RAB25: variants seen among roughly 807,000 people sequenced by gnomAD.
RAB25 encodes RAB25, member RAS oncogene family.
RAB25 carries 23 observed loss-of-function variants against 25.2 expected under a neutral mutation model. The ratio of observed to expected loss-of-function variants is 0.91; its 90% CI spans 0.66 to 1.29. The LOEUF (loss-of-function observed/expected upper bound fraction) is 1.29, where lower values mean the gene tolerates loss of function less well. Ranked by LOEUF, RAB25 falls within the 50% of genes most tolerant of loss-of-function variation. RAB25 has a pLI of 0.00. For missense variants in RAB25, 244 were observed against 277.3 expected (o/e 0.88, Z 0.85); for synonymous variants, 102 against 111.5 (o/e 0.91, Z 0.54).
chr1:156,061,514 G>T, intron 1 of RAB25, 71 bp downstream of exon 1: 1 of 1,505,082 alleles, frequency 6.6e-7, no homozygotes, highest in South Asian at 1.1e-5. Flanking sequence ...GCCAGAGAGG[G>T]CCCCCTCCTG....
At chr1:156,061,929 C>T (rs965916850) in intron 1 of RAB25, among the ~76,000 whole-genome samples, 1 of 152,172 alleles carries the variant, frequency 6.6e-6, no homozygotes, top group Non-Finnish European at 1.5e-5. Context: ...GGACTACAAG[C>T]ACCTGCCACC....
chr1:156,063,430 C>T (rs546637879), intron 1 of RAB25, among the ~76,000 whole-genome samples: 2 of 152,156 alleles, frequency 1.3e-5, no homozygotes, highest in South Asian at 2.1e-4. Flanking sequence ...GTATTACAGG[C>T]GTGAGCCACC....
At position 156,067,826 on chromosome 1, in the gene RAB25, C is replaced by T. The variant is rs578053845; in HGVS notation, c.240-444C>T. Reference sequence around the variant, plus strand: ...GGAGTGCAATGGAGCGATCTCAGATCACTGCAACTTCCGCTTCCCGAGTTC... The same window carrying T: ...GGAGTGCAATGGAGCGATCTCAGATTACTGCAACTTCCGCTTCCCGAGTTC... On this transcript the variant is annotated intron_variant, in intron 2 of 4. Coordinates refer to ENST00000361084, the MANE Select transcript of RAB25 (RefSeq NM_020387.4). Among the ~76,000 whole-genome samples the T allele has an allele frequency of 2.0e-5, 3 of 152,324 alleles. No homozygotes were observed. The South Asian group carries it at 6.2e-4, about 32-fold the overall frequency.
At chr1:156,062,685 A>G (rs1647618419) in intron 1 of RAB25, among the ~76,000 whole-genome samples, 1 of 152,140 alleles carries the variant, frequency 6.6e-6, no homozygotes. Context: ...GTCATATTTT[A>G]TTTTGAGGGG....
Position 156,070,424 on chromosome 1 carries a change from T to G in RAB25, c.*137T>G. 2 of 1,137,588 alleles carry G rather than the reference T, an allele frequency of 1.8e-6. No homozygotes were observed. Among genetic ancestry groups the G allele is most frequent in the Non-Finnish European group, 2.5e-6 (2 of 809,904 alleles). The allele number at this position is 1,137,588 out of a possible 1,614,324, so 70.5% of individuals were successfully genotyped here. ...ACAGCACCCTCAGGGTCTTAAGGTCTTCATGCCCTATCACAAATACCTCTT... is the reference window on the plus strand; with the variant it reads ...ACAGCACCCTCAGGGTCTTAAGGTCGTCATGCCCTATCACAAATACCTCTT... On this transcript the variant is annotated 3_prime_UTR_variant, in exon 5 of 5. Coordinates refer to ENST00000361084, the MANE Select transcript of RAB25 (RefSeq NM_020387.4).
At position 156,068,476 on chromosome 1, in the gene RAB25, C is replaced by T. The variant is rs752421466; in HGVS notation, c.433+13C>T. 6.2e-6 allele frequency: 10 copies of T among 1,608,468 alleles called. No homozygotes were observed. Among genetic ancestry groups the T allele is most frequent in the African/African-American group, 2.7e-5 (2 of 74,742 alleles). On this transcript the variant is annotated intron_variant, in intron 3 of 4. Coordinates refer to ENST00000361084, the MANE Select transcript of RAB25 (RefSeq NM_020387.4). ...CGAATGTTCGCTGGTGAGAGCCTGC[C>T]ACTACCCAGGCTGACTCCTCCAAGC...
intron 2 of RAB25, among the ~76,000 whole-genome samples, chr1:156,066,849 A>G (rs1052310141): frequency 2.0e-5 from 3 of 152,092 alleles, no homozygotes; most frequent in Non-Finnish European, 2.9e-5. Context: ...CTAAGGTGGG[A>G]GGATGGCTTG....
intron 1 of RAB25, among the ~76,000 whole-genome samples, 195 bp downstream of exon 1, chr1:156,061,638 T>C (rs377184831): frequency 1.1e-3 from 175 of 152,246 alleles, no homozygotes; most frequent in African/African-American, 4.1e-3. Context: ...CTTCTGAGTA[T>C]GCTCTACTGT....
intron 4 of RAB25, 157 bp from the exon 5 acceptor site, chr1:156,070,003 C>A: frequency 8.6e-7 from 1 of 1,160,416 alleles, no homozygotes. Context: ...TAGAAGGGAC[C>A]CCTATGTCCA....
chr1:156,068,080 A>G (rs149318918), intron 2 of RAB25, 190 bp from the exon 3 acceptor site: 7 of 536,740 alleles, frequency 1.3e-5, no homozygotes, highest in African/African-American at 1.1e-4. Flanking sequence ...ACAGGCTCCA[A>G]GACTAGTGTC....
At chr1:156,062,775 C>T (rs998451068) in intron 1 of RAB25, among the ~76,000 whole-genome samples, 7 of 152,036 alleles carry the variant, frequency 4.6e-5, no homozygotes, top group East Asian at 1.9e-4. Flanking sequence ...GTTGGTCAGC[C>T]GGGTGCAGTG....
At chr1:156,065,475 T>A (rs974790420) in intron 1 of RAB25, among the ~76,000 whole-genome samples, 6 of 152,150 alleles carry the variant, frequency 3.9e-5, no homozygotes, top group African/African-American at 1.4e-4. Flanking sequence ...ACCTCCCACT[T>A]GTCCTCCCAG....
Position 156,070,355 on chromosome 1 carries a change from C to T in RAB25, c.*68C>T. On this transcript the variant is annotated 3_prime_UTR_variant, in exon 5 of 5. Coordinates refer to ENST00000361084, the MANE Select transcript of RAB25 (RefSeq NM_020387.4). ...CTTGTCCCCACTTCAGCCCCAGGACCTTTCCTTGCCCTTTGGTTCCAGATA... is the reference window on the plus strand; with the variant it reads ...CTTGTCCCCACTTCAGCCCCAGGACTTTTCCTTGCCCTTTGGTTCCAGATA... 1 of 1,568,274 alleles carries T rather than the reference C, an allele frequency of 6.4e-7. No individual in the cohort carries two copies. The highest frequency in any genetic ancestry group is 1.4e-5 in the African/African-American group (1 of 73,682).
At position 156,070,097 on chromosome 1, in the gene RAB25, T is replaced by C. The variant is rs28534050; in HGVS notation, c.515-63T>C. On this transcript the variant is annotated intron_variant, in intron 4 of 4. Transcript: ENST00000361084. Reference sequence around the variant, plus strand: ...GGGGCATGCAGTATGTATGGGGGGGTTGGGGAGAAGGGAGCATGGGCTCTA... The same window carrying C: ...GGGGCATGCAGTATGTATGGGGGGGCTGGGGAGAAGGGAGCATGGGCTCTA... 8.1e-6 allele frequency: 13 copies of C among 1,612,300 alleles called. No homozygotes were observed. The East Asian group carries it at 2.7e-4, about 33-fold the overall frequency.
At chr1:156,065,804 T>C in intron 1 of RAB25, 107 bp from the exon 2 acceptor site, 1 of 920,048 alleles carries the variant, frequency 1.1e-6, no homozygotes. Context: ...TTCCCTAATC[T>C]TTTTTCTGAG....
At chr1:156,069,130 A>G (rs1469828761) in intron 3 of RAB25, among the ~76,000 whole-genome samples, 1 of 152,176 alleles carries the variant, frequency 6.6e-6, no homozygotes, top group Non-Finnish European at 1.5e-5. Context: ...CCAGTCTCCC[A>G]TCTGCTCTTG....
chr1:156,069,036 A>T (rs1353894920), intron 3 of RAB25, among the ~76,000 whole-genome samples: 1 of 151,804 alleles, frequency 6.6e-6, no homozygotes, highest in Non-Finnish European at 1.5e-5. Context: ...CAAAGATCCT[A>T]TGGAGAGGAT....
At chr1:156,068,676 C>T (rs1647822857) in intron 3 of RAB25, among the ~76,000 whole-genome samples, 1 of 143,862 alleles carries the variant, frequency 7.0e-6, no homozygotes, top group Non-Finnish European at 1.5e-5. Flanking sequence ...CTGAGATTGT[C>T]TTTATTGATT....
intron 2 of RAB25, 34 bp downstream of exon 2, chr1:156,066,140 G>A (rs1413267459): frequency 1.3e-6 from 2 of 1,491,108 alleles, no homozygotes; most frequent in Admixed American, 2.0e-5. Flanking sequence ...CTGGGTGGTG[G>A]GAGTTCTGGG....
Sources: allele counts gnomAD v4.1 joint callset (sites outside exome capture counted in the v4.1 genomes callset), GRCh38; gene constraint gnomAD v4.1.1; transcripts MANE v1.5; gene names NCBI Gene and HGNC (gene_info 2026-07-23, HGNC 2026-07-21).